The following PAX5 variants were observed in gnomAD, a reference collection of about 807,000 sequenced individuals.
PAX5 encodes the protein paired box protein Pax-5.
PAX5 carries 9 observed loss-of-function variants against 43.7 expected under a neutral mutation model. That is an observed-to-expected ratio of 0.21 (90% CI 0.12 to 0.36). PAX5 has a LOEUF of 0.36. Ranked by LOEUF, PAX5 falls within the 10% of genes least tolerant of loss-of-function variation. The probability of loss-of-function intolerance (pLI) is 1.00; values close to 1 mark genes in which losing one functional copy is unlikely to be tolerated. For synonymous variants in PAX5, 228 were observed against 214.3 expected, an observed-to-expected ratio of 1.06 and a Z score of -0.56; for missense variants, 383 against 532.7, an observed-to-expected ratio of 0.72 and a Z score of 2.77.
intron 8 of PAX5, among the ~76,000 whole-genome samples, chr9:36,869,843 GATAA>G (rs1432735430): frequency 3.2e-5 from 4 of 123,436 alleles, no homozygotes; most frequent in East Asian, 2.6e-4. Context: ...TGGATGGATG[GATAA>G]ATGGATGGAT....
chr9:37,020,005 A>G (rs1298193229), intron 2 of PAX5, among the ~76,000 whole-genome samples: 1 of 152,110 alleles, frequency 6.6e-6, no homozygotes, highest in African/African-American at 2.4e-5. Context: ...GCACGGTCCT[A>G]TGGGAGAAGC....
intron 5 of PAX5, among the ~76,000 whole-genome samples, chr9:36,993,483 C>T (rs1369724724): frequency 1.7e-5 from 2 of 116,630 alleles, no homozygotes; most frequent in Middle Eastern, 4.4e-3. Context: ...AATTTTGGTG[C>T]CAGAAAAAAA....
intron 4 of PAX5, among the ~76,000 whole-genome samples, chr9:37,005,009 T>C (rs1386124170): frequency 6.6e-6 from 1 of 152,256 alleles, no homozygotes; most frequent in Non-Finnish European, 1.5e-5. Flanking sequence ...CAAAACATGC[T>C]GCTGACCTAC....
chr9:37,030,162 G>A (rs1840839053), intron 1 of PAX5, among the ~76,000 whole-genome samples: 1 of 152,182 alleles, frequency 6.6e-6, no homozygotes, highest in African/African-American at 2.4e-5. Context: ...CACAGGACCC[G>A]TCTTACCTGT....
rs1838398634 is a variant in PAX5 at position 37,006,479 on chromosome 9, T to C, written c.469A>G (p.Ser157Gly). 1 of 1,613,350 alleles carries C rather than the reference T, an allele frequency of 6.2e-7. No homozygotes were observed. The highest frequency in any genetic ancestry group is 1.1e-5 in the South Asian group (1 of 91,070). Residue 157 changes from serine (S) to glycine (G), a missense_variant, in exon 4 of 10, where the codon AGC becomes GGC. Ser to Gly is a moderately conservative substitution (Grantham distance 56). Coordinates refer to ENST00000358127, the MANE Select transcript of PAX5 (RefSeq NM_016734.3). Reference sequence around the variant, plus strand: ...TTTTAAAAGTTCCTCTTACCTATGCTGTGACTGGAAGCTGGGACTGGTTGG... The same window carrying C: ...TTTTAAAAGTTCCTCTTACCTATGCCGTGACTGGAAGCTGGGACTGGTTGG... Reference protein sequence around the residue: ...PNQPVPASSHSIVSTGSVTQV... With the variant: ...PNQPVPASSHGIVSTGSVTQV...
Position 36,837,607 on chromosome 9 carries a change from C to T in PAX5, c.*2953G>A, listed in dbSNP as rs540454365. The T allele has an allele frequency of 2.0e-4, 47 of 233,336 alleles. No homozygotes were observed. The highest frequency in any genetic ancestry group is 1.8e-3 in the Admixed American group (32 of 17,806). The allele number at this position is 233,336 out of a possible 1,614,324, so 14.5% of individuals were successfully genotyped here. ...CTCACCAAGCTCCCAGGCAGCTCCG[C>T]TGGACCACGAGGTGCTGTGAATTGG... On this transcript the variant is annotated 3_prime_UTR_variant, in exon 10 of 10. Transcript: ENST00000358127.
intron 5 of PAX5, among the ~76,000 whole-genome samples, chr9:36,992,494 G>A (rs934845257): frequency 6.6e-6 from 1 of 152,212 alleles, no homozygotes; most frequent in African/African-American, 2.4e-5. Context: ...AAGCCTGCTG[G>A]AGGGAAATCA....
chr9:37,028,118 A>T (rs1840619900), intron 1 of PAX5, among the ~76,000 whole-genome samples: 1 of 152,192 alleles, frequency 6.6e-6, no homozygotes. Flanking sequence ...CAAAAAAACC[A>T]AAAAACAAAA....
intron 6 of PAX5, chr9:36,931,054 C>T: frequency 4.5e-6 from 2 of 446,708 alleles, no homozygotes; most frequent in South Asian, 3.2e-5. Context: ...CAGATGGCCA[C>T]CTGGGGCCAG....
intron 6 of PAX5, among the ~76,000 whole-genome samples, chr9:36,946,177 T>C (rs1179489520): frequency 6.7e-6 from 1 of 148,656 alleles, no homozygotes; most frequent in East Asian, 2.0e-4. Flanking sequence ...CCCTGAGGAG[T>C]GCTCCGTCAG....
At chr9:36,855,526 G>A (rs1823579402) in intron 8 of PAX5, among the ~76,000 whole-genome samples, 1 of 152,166 alleles carries the variant, frequency 6.6e-6, no homozygotes, top group Admixed American at 6.5e-5. Flanking sequence ...GCCTCACTAG[G>A]GTGCAAGATA....
At chr9:36,954,379 C>T (rs575825098) in intron 6 of PAX5, among the ~76,000 whole-genome samples, 1 of 152,308 alleles carries the variant, frequency 6.6e-6, no homozygotes, top group South Asian at 2.1e-4. Flanking sequence ...CTGCAAGTCT[C>T]TCATATCTTT....
chr9:36,972,817 C>T (rs1342277027), intron 5 of PAX5, among the ~76,000 whole-genome samples: 2 of 152,138 alleles, frequency 1.3e-5, no homozygotes, highest in African/African-American at 4.8e-5. Flanking sequence ...CACTTGAGGT[C>T]AGGAGTTCGA....
intron 3 of PAX5, among the ~76,000 whole-genome samples, chr9:37,008,996 T>C (rs187221105): frequency 1.7e-3 from 258 of 152,324 alleles, no homozygotes; most frequent in Non-Finnish European, 2.8e-3. Context: ...GATATGTCAA[T>C]ATATGGATAT....
chr9:36,866,661 C>G (rs1488706001), intron 8 of PAX5, among the ~76,000 whole-genome samples: 1 of 152,080 alleles, frequency 6.6e-6, no homozygotes, highest in Admixed American at 6.5e-5. Flanking sequence ...TTTTTTATTG[C>G]TTCGGTGAGG....
At chr9:36,846,244 A>G (rs1391332316) in intron 9 of PAX5, among the ~76,000 whole-genome samples, 1 of 152,230 alleles carries the variant, frequency 6.6e-6, no homozygotes, top group Non-Finnish European at 1.5e-5. Flanking sequence ...TCAGACTGCC[A>G]CCAGTCACGG....
Position 36,834,197 on chromosome 9 carries a change from G to A in PAX5, c.*6363C>T. 4 of 233,168 alleles carry A rather than the reference G, an allele frequency of 1.7e-5. No individual in the cohort carries two copies. The highest frequency in any genetic ancestry group is 1.2e-4 in the East Asian group (2 of 16,598). The allele number at this position is 233,168 out of a possible 1,614,324, so 14.4% of individuals were successfully genotyped here. On this transcript the variant is annotated 3_prime_UTR_variant, in exon 10 of 10. Transcript: ENST00000358127. ...CCAGCAGCTGGGGCTGAGAAGTGGG[G>A]CCCAGGCAACGCCAGGCCCTCACTG...
chr9:36,923,196 C>T (rs530069792), intron 7 of PAX5, 159 bp downstream of exon 7: 7 of 784,288 alleles, frequency 8.9e-6, no homozygotes, highest in South Asian at 2.0e-5. Flanking sequence ...ACAGCTGCAA[C>T]CCTGGCCCCA....
chr9:36,969,454 A>G (rs1198398250), intron 5 of PAX5, among the ~76,000 whole-genome samples: 1 of 152,216 alleles, frequency 6.6e-6, no homozygotes, highest in Non-Finnish European at 1.5e-5. Flanking sequence ...GGGCAAGGTC[A>G]CTGTCTGGTC....
Sources: allele counts gnomAD v4.1 joint callset (sites outside exome capture counted in the v4.1 genomes callset), GRCh38; gene constraint gnomAD v4.1.1; transcripts MANE v1.5; gene names NCBI Gene and HGNC (gene_info 2026-07-23, HGNC 2026-07-21).